PRKN: variants seen among roughly 807,000 people sequenced by gnomAD.
PRKN encodes E3 ubiquitin-protein ligase parkin.
A neutral mutation model predicts 59.5 loss-of-function variants in PRKN; 56 were observed. The observed-to-expected ratio is 0.94, with a 90% CI of 0.76 to 1.18. The LOEUF is 1.18. Ranked by LOEUF, PRKN falls within the 50% of genes most tolerant of loss-of-function variation. The probability of loss-of-function intolerance (pLI) is 0.00; values close to 1 mark genes in which losing one functional copy is unlikely to be tolerated. For missense variants in PRKN, 657 were observed against 596.4 expected (o/e 1.10, Z -1.06); for synonymous variants, 250 against 222.1 (o/e 1.13, Z -1.12).
rs536331242 is a variant in PRKN at position 162,241,377 on chromosome 6, A to G, written c.412+21148T>C. The stretch of plus-strand genomic sequence containing the variant: ...TAGATATTCATTACTTTATTAAAAA[A>G]GACATAGAATTGGCATAATAAATTG... On this transcript the variant is annotated intron_variant, in intron 3 of 11. Coordinates refer to ENST00000366898, the MANE Select transcript of PRKN (RefSeq NM_004562.3). Among the ~76,000 whole-genome samples the G allele has an allele frequency of 3.9e-5, 6 of 152,274 alleles. No individual in the cohort carries two copies. The East Asian group carries it at 1.2e-3, about 29-fold the overall frequency.
chr6:161,671,119 A>G (rs1784892607), intron 7 of PRKN, among the ~76,000 whole-genome samples: 1 of 152,160 alleles, frequency 6.6e-6, no homozygotes, highest in South Asian at 2.1e-4. Context: ...TTCTGTGAGC[A>G]GGACTCTCTG....
intron 2 of PRKN, among the ~76,000 whole-genome samples, chr6:162,390,394 T>TACACAC (rs1272491393): frequency 2.8e-4 from 34 of 120,770 alleles, no homozygotes; most frequent in African/African-American, 1.0e-3. Flanking sequence ...TATATATATA[T>TACACAC]ATACACACAC....
At position 161,461,671 on chromosome 6, in the gene PRKN, G is replaced by A. The variant is rs773406323; in HGVS notation, c.1084-74794C>T. Among the ~76,000 whole-genome samples the A allele has an allele frequency of 1.4e-4, 22 of 152,178 alleles. No individual in the cohort carries two copies. The highest frequency in any genetic ancestry group is 4.8e-4 in the African/African-American group (20 of 41,432). The stretch of plus-strand genomic sequence containing the variant: ...CTAAGTGCCACTCATTGCAAGGACC[G>A]AGGTAAGAAGAGACAGGACAGGGTT... On this transcript the variant is annotated intron_variant, in intron 9 of 11. Coordinates refer to ENST00000366898, the MANE Select transcript of PRKN (RefSeq NM_004562.3). The surrounding 1 kb of genome is among the most constrained non-coding windows in gnomAD (Gnocchi z 5.1).
chr6:162,039,884 A>G (rs1478158725), intron 5 of PRKN, among the ~76,000 whole-genome samples: 1 of 152,242 alleles, frequency 6.6e-6, no homozygotes, highest in Non-Finnish European at 1.5e-5. Flanking sequence ...TGTGGAAGGT[A>G]TGCCCGTCAT....
At chr6:162,432,986 G>T (rs77485529) in intron 2 of PRKN, among the ~76,000 whole-genome samples, 4,733 of 152,210 alleles carry the variant, frequency 0.031, 272 homozygotes, top group African/African-American at 0.11. Flanking sequence ...TAACTCAAAG[G>T]AGTTCCCACA....
At position 161,440,885 on chromosome 6, in the gene PRKN, A is replaced by G. The variant is rs769546530; in HGVS notation, c.1084-54008T>C. Among the ~76,000 whole-genome samples, 2 of 152,204 alleles carry G rather than the reference A, an allele frequency of 1.3e-5. No individual in the cohort carries two copies. The highest frequency in any genetic ancestry group is 4.8e-5 in the African/African-American group (2 of 41,462). ...AGAATACAAATAAGAGTCTAATGTGATAAGAGGCTGAACTGAAGGTGTCCC... is the reference window on the plus strand; with the variant it reads ...AGAATACAAATAAGAGTCTAATGTGGTAAGAGGCTGAACTGAAGGTGTCCC... On this transcript the variant is annotated intron_variant, in intron 9 of 11. Coordinates refer to ENST00000366898, the MANE Select transcript of PRKN (RefSeq NM_004562.3). This position sits in a 1 kb window ranked among gnomAD's most constrained non-coding sequence, Gnocchi z 4.1.
At chr6:161,510,408 A>G (rs1166899964) in intron 9 of PRKN, among the ~76,000 whole-genome samples, 1 of 152,154 alleles carries the variant, frequency 6.6e-6, no homozygotes, top group Non-Finnish European at 1.5e-5. Context: ...TGAGGTCGCC[A>G]GTGAGGCATC....
At position 161,641,883 on chromosome 6, in the gene PRKN, A is replaced by G. The variant is rs145323861; in HGVS notation, c.872-72467T>C. Reference sequence around the variant, plus strand: ...TCCCTTGCAGACAACATTAAAAGGCAGGCCACCTACCAATGAACCAAGCTC... The same window carrying G: ...TCCCTTGCAGACAACATTAAAAGGCGGGCCACCTACCAATGAACCAAGCTC... On this transcript the variant is annotated intron_variant, in intron 7 of 11. Transcript: ENST00000366898. 1.4e-4 allele frequency among the ~76,000 whole-genome samples: 21 copies of G among 152,378 alleles called. No homozygotes were observed. The East Asian group carries it at 4.0e-3, about 29-fold the overall frequency.
At chr6:161,732,720 A>G (rs1787774746) in intron 7 of PRKN, among the ~76,000 whole-genome samples, 1 of 152,194 alleles carries the variant, frequency 6.6e-6, no homozygotes, top group African/African-American at 2.4e-5. Flanking sequence ...TGCAAAGGCC[A>G]TGATCTCATT....
At position 162,014,907 on chromosome 6, in the gene PRKN, A is replaced by G. The variant is rs76228856; in HGVS notation, c.618+39184T>C. Among the ~76,000 whole-genome samples the G allele has an allele frequency of 2.0e-4, 30 of 152,068 alleles. No homozygotes were observed. The East Asian group carries it at 5.6e-3, about 28-fold the overall frequency. ...TTCCCAGCTGCATAGTACTCTATTG[A>G]ATGGTTGTACTCTCCCGGTTTAGGC... On this transcript the variant is annotated intron_variant, in intron 5 of 11. Transcript: ENST00000366898.
chr6:162,555,728 C>T (rs1309485715), intron 1 of PRKN, among the ~76,000 whole-genome samples: 4 of 152,002 alleles, frequency 2.6e-5, no homozygotes, highest in Admixed American at 1.3e-4. Flanking sequence ...CGGTGGCTCA[C>T]GGCTGTAATC....
At chr6:161,832,102 A>G (rs1792523540) in intron 6 of PRKN, among the ~76,000 whole-genome samples, 1 of 152,232 alleles carries the variant, frequency 6.6e-6, no homozygotes, top group Non-Finnish European at 1.5e-5. Flanking sequence ...TTTTCAAGTC[A>G]TTAGTGCCCC....
intron 2 of PRKN, among the ~76,000 whole-genome samples, chr6:162,388,729 T>G (rs1786985044): frequency 6.6e-6 from 1 of 152,104 alleles, no homozygotes; most frequent in East Asian, 1.9e-4. Context: ...CCTGGACCCC[T>G]CTCTCTTCTC....
intron 1 of PRKN, among the ~76,000 whole-genome samples, chr6:162,640,338 T>C (rs1032150976): frequency 6.6e-6 from 1 of 152,162 alleles, no homozygotes; most frequent in African/African-American, 2.4e-5. Flanking sequence ...GAGAGCAAGA[T>C]TCTTATTGAA....
chr6:162,170,985 A>G (rs1167382569), intron 4 of PRKN, among the ~76,000 whole-genome samples: 2 of 152,186 alleles, frequency 1.3e-5, no homozygotes, highest in African/African-American at 2.4e-5. Context: ...AAACTAATAA[A>G]TTATTGAACA....
intron 2 of PRKN, among the ~76,000 whole-genome samples, chr6:162,288,881 A>G (rs570186264): frequency 6.6e-6 from 1 of 152,314 alleles, no homozygotes; most frequent in East Asian, 1.9e-4. Context: ...GCTTGTTGTC[A>G]TTTGATCAAA....
At chr6:162,211,929 G>A (rs1396394987) in intron 3 of PRKN, among the ~76,000 whole-genome samples, 2 of 152,224 alleles carry the variant, frequency 1.3e-5, no homozygotes, top group Non-Finnish European at 1.5e-5. Context: ...ATACTGATAA[G>A]TTAGAAACAC....
chr6:161,517,246 C>T (rs1778643003), intron 9 of PRKN, among the ~76,000 whole-genome samples: 1 of 152,094 alleles, frequency 6.6e-6, no homozygotes, highest in South Asian at 2.1e-4. Context: ...GTGTGACTGA[C>T]CTATCTTTTT....
chr6:161,603,367 G>A (rs1157271183), intron 7 of PRKN, among the ~76,000 whole-genome samples: 1 of 152,166 alleles, frequency 6.6e-6, no homozygotes. Context: ...CTTCCCATGG[G>A]AATCGTCCAA....
Sources: gnomAD v4.1 joint callset for allele counts (sites outside exome capture counted in the v4.1 genomes callset) on GRCh38, gnomAD v4.1.1 for gene constraint, Gnocchi (gnomAD v3.1) non-coding constraint, MANE v1.5 for transcripts, NCBI Gene and HGNC (gene_info 2026-07-23, HGNC 2026-07-21) for gene names.